The following PRKN variants were observed in gnomAD, a reference collection of about 807,000 sequenced individuals.
The protein encoded by PRKN is E3 ubiquitin-protein ligase parkin.
In PRKN, 56 loss-of-function variants were observed where a neutral mutation model predicts 59.5. That is an observed-to-expected ratio of 0.94 (90% CI 0.76 to 1.18). The LOEUF is 1.18. Ranked by LOEUF, PRKN falls within the 50% of genes most tolerant of loss-of-function variation. The pLI is 0.00. For missense variants in PRKN, 657 were observed against 596.4 expected (o/e 1.10, Z -1.06); for synonymous variants, 250 against 222.1 (o/e 1.13, Z -1.12).
At chr6:162,223,534 C>G (rs112374668) in intron 3 of PRKN, among the ~76,000 whole-genome samples, 30 of 151,562 alleles carry the variant, frequency 2.0e-4, no homozygotes, top group African/African-American at 7.3e-4. Flanking sequence ...TGGTATTTGA[C>G]TAAATTAAAT....
intron 4 of PRKN, among the ~76,000 whole-genome samples, chr6:162,070,570 A>G (rs1193460438): frequency 6.6e-6 from 1 of 152,124 alleles, no homozygotes; most frequent in Non-Finnish European, 1.5e-5. Flanking sequence ...GGTGCCCTAG[A>G]GCAGTGGCCC....
chr6:162,600,726 G>T (rs1460508985), intron 1 of PRKN, among the ~76,000 whole-genome samples: 5 of 152,120 alleles, frequency 3.3e-5, no homozygotes, highest in Non-Finnish European at 7.4e-5. Flanking sequence ...GTTATCGTGA[G>T]ATCTCATTGT....
intron 1 of PRKN, among the ~76,000 whole-genome samples, chr6:162,532,513 TCTGA>T (rs1292551760): frequency 6.6e-6 from 1 of 152,202 alleles, no homozygotes; most frequent in Non-Finnish European, 1.5e-5. Context: ...CTTTATGATG[TCTGA>T]CTGAAAGCTC....
At position 161,619,694 on chromosome 6, in the gene PRKN, G is replaced by A. The variant is rs1044608422; in HGVS notation, c.872-50278C>T. ...GACTTGAATTGGGGTCTCTGAGACA[G>A]CAGAGTCTAGAACTGTACCCTCCAA... On this transcript the variant is annotated intron_variant, in intron 7 of 11. Transcript: ENST00000366898. 2.6e-5 allele frequency among the ~76,000 whole-genome samples: 4 copies of A among 152,144 alleles called. No homozygotes were observed. In the South Asian group the frequency reaches 8.3e-4, roughly 31 times the overall value.
intron 1 of PRKN, among the ~76,000 whole-genome samples, chr6:162,536,294 G>C (rs184335030): frequency 2.2e-4 from 33 of 152,026 alleles, no homozygotes; most frequent in Non-Finnish European, 4.1e-4. Context: ...AAAATGACAA[G>C]CAGAAGGTGT....
At chr6:161,435,126 TA>T (rs1323190766) in intron 9 of PRKN, among the ~76,000 whole-genome samples, 1 of 152,136 alleles carries the variant, frequency 6.6e-6, no homozygotes, top group African/African-American at 2.4e-5. Context: ...TGGGAAGAAA[TA>T]ACACATGGGC....
chr6:161,969,783 C>T (rs1039967635), intron 6 of PRKN, among the ~76,000 whole-genome samples: 3 of 152,044 alleles, frequency 2.0e-5, no homozygotes, highest in African/African-American at 7.2e-5. Context: ...ATTCATTTTG[C>T]CTTATAGATT....
intron 7 of PRKN, among the ~76,000 whole-genome samples, chr6:161,583,055 C>G (rs1044357911): frequency 1.3e-5 from 2 of 148,250 alleles, no homozygotes; most frequent in Non-Finnish European, 3.0e-5. Flanking sequence ...AAACCATAAA[C>G]CAAAATAGAT....
intron 2 of PRKN, among the ~76,000 whole-genome samples, chr6:162,427,923 AGAAG>A (rs750590476): frequency 6.6e-6 from 1 of 152,296 alleles, no homozygotes; most frequent in East Asian, 1.9e-4. Context: ...ACCTCTGTAG[AGAAG>A]GAAGAAATGG....
intron 5 of PRKN, among the ~76,000 whole-genome samples, chr6:162,006,016 A>C (rs1782238822): frequency 6.6e-6 from 1 of 152,150 alleles, no homozygotes; most frequent in Non-Finnish European, 1.5e-5. Flanking sequence ...AAGCATACTA[A>C]AAATTGCTAT....
At chr6:162,353,167 A>G (rs1452983155) in intron 2 of PRKN, among the ~76,000 whole-genome samples, 1 of 152,150 alleles carries the variant, frequency 6.6e-6, no homozygotes, top group Non-Finnish European at 1.5e-5. Flanking sequence ...AGGTTGATTT[A>G]GTCAGCTTCC....
In PRKN at chr6:162,262,780, G is replaced by C; in HGVS notation, c.172-15C>G. ...AGGTCACAATTCTGTTTGGGAGCAA[G>C]GTAAAAAAAAAAAAAAAAAAAAAGG... On this transcript the variant is annotated splice_polypyrimidine_tract_variant and intron_variant, in intron 2 of 11. Coordinates refer to ENST00000366898, the MANE Select transcript of PRKN (RefSeq NM_004562.3). The C allele has an allele frequency of 7.4e-7, 1 of 1,355,986 alleles. No homozygotes were observed. The highest frequency in any genetic ancestry group is 9.8e-7 in the Non-Finnish European group (1 of 1,022,628). 84.0% of individuals were successfully genotyped at this position (1,355,986 alleles called of 1,614,324 possible).
chr6:162,147,977 G>A (rs191209912), intron 4 of PRKN, among the ~76,000 whole-genome samples: 16 of 152,182 alleles, frequency 1.1e-4, no homozygotes, highest in African/African-American at 2.4e-4. Flanking sequence ...ATTTCTATGC[G>A]AAAAAATTAC....
At chr6:162,378,338 C>T (rs1786235531) in intron 2 of PRKN, among the ~76,000 whole-genome samples, 8 of 152,194 alleles carry the variant, frequency 5.3e-5, no homozygotes, top group Admixed American at 5.2e-4. Flanking sequence ...AATCGAAGAT[C>T]ATAAAGGAGA....
At chr6:162,651,711 G>A (rs1033522948) in intron 1 of PRKN, among the ~76,000 whole-genome samples, 6 of 152,162 alleles carry the variant, frequency 3.9e-5, no homozygotes, top group East Asian at 1.9e-4. Context: ...CTCAGGTTAC[G>A]TAAGTGGATT....
intron 1 of PRKN, among the ~76,000 whole-genome samples, chr6:162,647,790 C>T (rs1778242576): frequency 6.6e-6 from 1 of 151,760 alleles, no homozygotes; most frequent in Non-Finnish European, 1.5e-5. Flanking sequence ...CACAATTTTC[C>T]CTACTTTATA....
intron 6 of PRKN, among the ~76,000 whole-genome samples, chr6:161,865,933 C>T (rs1185323748): frequency 6.6e-6 from 1 of 152,212 alleles, no homozygotes; most frequent in African/African-American, 2.4e-5. Flanking sequence ...CAGCTTTCAA[C>T]GTCTTCCTCA....
At chr6:162,356,747 T>TAAAAAAAAAAAAAAAAAAAAAAAAAAA (rs748212596) in intron 2 of PRKN, among the ~76,000 whole-genome samples, 15 of 73,040 alleles carry the variant, frequency 2.1e-4, no homozygotes, top group Middle Eastern at 0.012. Flanking sequence ...TGATTATTAG[T>TAAAAAAAAAAAAAAAAAAAAAAAAAAA]AAAAAAAAAA....
At position 161,407,872 on chromosome 6, in the gene PRKN, C is replaced by T. The variant is rs945164790; in HGVS notation, c.1084-20995G>A. ...TGAGTCTTATGATCTCCCCACCATG[C>T]ACCTTGTAATCCCCTCCTCTGCTAA... On this transcript the variant is annotated intron_variant, in intron 9 of 11. Transcript: ENST00000366898. This position sits in a 1 kb window ranked among gnomAD's most constrained non-coding sequence, Gnocchi z 4.9. Among the ~76,000 whole-genome samples, 1 of 152,176 alleles carries T rather than the reference C, an allele frequency of 6.6e-6. No homozygotes were observed. The highest frequency in any genetic ancestry group is 6.6e-5 in the Admixed American group (1 of 15,260).
Sources: allele counts gnomAD v4.1 joint callset (sites outside exome capture counted in the v4.1 genomes callset), GRCh38; gene constraint gnomAD v4.1.1; non-coding constraint Gnocchi (gnomAD v3.1); transcripts MANE v1.5; gene names NCBI Gene and HGNC (gene_info 2026-07-23, HGNC 2026-07-21).